Variants in SNTB1 observed in about 807,000 individuals in gnomAD.
SNTB1 encodes the protein beta-1-syntrophin.
SNTB1 carries 36 observed loss-of-function variants against 48.9 expected under a neutral mutation model. That is an observed-to-expected ratio of 0.74 (90% confidence interval 0.56 to 0.97). SNTB1 has a LOEUF of 0.97. Among genes scored for constraint, SNTB1 ranks in the 50% least tolerant of loss-of-function variants. The pLI, the probability that SNTB1 is intolerant of heterozygous loss-of-function variation, is 0.00. For missense variants in SNTB1, 786 were observed against 703.4 expected (o/e 1.12, Z -1.33); for synonymous variants, 299 against 294.6 (o/e 1.01, Z -0.15).
intron 3 of SNTB1, among the ~76,000 whole-genome samples, chr8:120,589,771 C>T (rs1284606138): frequency 1.3e-5 from 2 of 152,102 alleles, no homozygotes; most frequent in Non-Finnish European, 2.9e-5. Context: ...CCTAATGACC[C>T]GCCCTCATGA....
intron 2 of SNTB1, among the ~76,000 whole-genome samples, chr8:120,655,777 C>T (rs536276648): frequency 1.3e-5 from 2 of 152,340 alleles, no homozygotes; most frequent in South Asian, 4.1e-4. Context: ...TCCCAGCCTT[C>T]CTTGTTGCTC....
chr8:120,756,956 G>A (rs1399540121), intron 1 of SNTB1, among the ~76,000 whole-genome samples: 1 of 152,138 alleles, frequency 6.6e-6, no homozygotes, highest in African/African-American at 2.4e-5. Context: ...CTGATCTTTT[G>A]CTCCATGGGC....
intron 3 of SNTB1, among the ~76,000 whole-genome samples, chr8:120,587,514 T>C (rs1294578883): frequency 1.3e-5 from 2 of 152,220 alleles, no homozygotes; most frequent in African/African-American, 2.4e-5. Context: ...CATGGTTCCA[T>C]ACTTTATATA....
rs956754313 is a variant in SNTB1, at chr8:120,782,627, A to T, written c.571+28646T>A. Among the ~76,000 whole-genome samples, 6 of 152,266 alleles carry T rather than the reference A, an allele frequency of 3.9e-5. No homozygotes were observed. The East Asian group carries it at 1.2e-3, about 29-fold the overall frequency. ...CTACACACACACACATATATATGTA[A>T]AATGTTATAGTATAAACGTAACAAA... On this transcript the variant is annotated intron_variant, in intron 1 of 6. Coordinates refer to ENST00000517992, the MANE Select transcript of SNTB1 (RefSeq NM_021021.4).
intron 3 of SNTB1, among the ~76,000 whole-genome samples, chr8:120,578,497 A>T (rs193239331): frequency 2.0e-5 from 3 of 152,342 alleles, no homozygotes; most frequent in Admixed American, 6.5e-5. Context: ...TTGTTAACAC[A>T]TGACTCCTGA....
intron 2 of SNTB1, among the ~76,000 whole-genome samples, chr8:120,645,331 G>A (rs200999794): frequency 0.014 from 2,161 of 149,318 alleles, 59 homozygotes; most frequent in African/African-American, 0.049. Flanking sequence ...ATATTGAATT[G>A]ATTTTTGTAT....
intron 4 of SNTB1, among the ~76,000 whole-genome samples, chr8:120,566,639 A>G (rs780759040): frequency 1.3e-5 from 2 of 152,198 alleles, no homozygotes; most frequent in Non-Finnish European, 2.9e-5. Flanking sequence ...TTCTAAATCA[A>G]TAGTTCTCAA....
At chr8:120,722,959 A>G (rs1183604121) in intron 1 of SNTB1, among the ~76,000 whole-genome samples, 1 of 152,118 alleles carries the variant, frequency 6.6e-6, no homozygotes, top group African/African-American at 2.4e-5. Context: ...GCTTTCTTTC[A>G]GGTTTCAGGT....
intron 1 of SNTB1, among the ~76,000 whole-genome samples, chr8:120,715,384 G>T (rs1022776461): frequency 6.6e-6 from 1 of 152,128 alleles, no homozygotes; most frequent in African/African-American, 2.4e-5. Context: ...CAATGCTCAG[G>T]TTTCTTGGTT....
chr8:120,668,552 G>A (rs977783825), intron 2 of SNTB1, among the ~76,000 whole-genome samples: 1 of 152,130 alleles, frequency 6.6e-6, no homozygotes, highest in African/African-American at 2.4e-5. Flanking sequence ...TTAGTTGAAA[G>A]GTATTTATTG....
At chr8:120,616,810 A>G (rs926442670) in intron 3 of SNTB1, among the ~76,000 whole-genome samples, 1 of 152,218 alleles carries the variant, frequency 6.6e-6, no homozygotes, top group Admixed American at 6.5e-5. Flanking sequence ...ATTCTCAATG[A>G]TCACATCTTT....
chr8:120,602,367 T>C (rs1463550476), intron 3 of SNTB1, among the ~76,000 whole-genome samples: 1 of 152,234 alleles, frequency 6.6e-6, no homozygotes, highest in Non-Finnish European at 1.5e-5. Context: ...TGTGAATGTA[T>C]TTTTTAGATG....
intron 2 of SNTB1, among the ~76,000 whole-genome samples, chr8:120,687,635 T>C (rs1214152239): frequency 6.6e-6 from 1 of 152,260 alleles, no homozygotes; most frequent in Non-Finnish European, 1.5e-5. Flanking sequence ...TTTAATTTCT[T>C]GTGTAGCTTA....
chr8:120,800,706 C>T (rs952963729), intron 1 of SNTB1, among the ~76,000 whole-genome samples: 1 of 151,500 alleles, frequency 6.6e-6, no homozygotes, highest in South Asian at 2.1e-4. Flanking sequence ...TTGTTGTATT[C>T]GAAAGAAAAA....
intron 1 of SNTB1, among the ~76,000 whole-genome samples, chr8:120,766,953 A>G (rs1040211577): frequency 1.3e-5 from 2 of 152,190 alleles, no homozygotes; most frequent in Admixed American, 6.5e-5. Context: ...ATTTCTAATT[A>G]TATGAATGAT....
Position 120,538,530 on chromosome 8 carries a change from C to T in SNTB1, c.*347G>A, listed in dbSNP as rs997647872. 1 of 394,592 alleles carries T rather than the reference C, an allele frequency of 2.5e-6. No individual in the cohort carries two copies. The allele number at this position is 394,592 out of a possible 1,614,324, so 24.4% of individuals were successfully genotyped here. ...CCTTGCGTACCTGGTGAACAAGTTG[C>T]CTAGGAACTGGGATGATTAAGATCT... On this transcript the variant is annotated 3_prime_UTR_variant, in exon 7 of 7. Transcript: ENST00000517992.
chr8:120,694,042 T>C lies in SNTB1; in HGVS notation c.572-134A>G, dbSNP rs559136730. On this transcript the variant is annotated intron_variant, in intron 1 of 6. Transcript: ENST00000517992. ...ACTTCTTAAATTCTCAACGAGATTT[T>C]GAATTTTTGTTCCACTCAAGGTAAT... The C allele has an allele frequency of 1.3e-4, 91 of 709,368 alleles. No individual in the cohort carries two copies. The East Asian group carries it at 2.4e-3, about 19-fold the overall frequency. The allele number at this position is 709,368 out of a possible 1,614,324, so 43.9% of individuals were successfully genotyped here. A position where few individuals can be genotyped will look rare whatever the true frequency, so the allele number is the denominator to read the frequency against.
At chr8:120,688,268 T>C (rs1818066981) in intron 2 of SNTB1, among the ~76,000 whole-genome samples, 1 of 152,190 alleles carries the variant, frequency 6.6e-6, no homozygotes, top group Non-Finnish European at 1.5e-5. Context: ...AGTGACACAC[T>C]TGGTTAATGG....
chr8:120,639,736 A>G (rs1817154049), intron 2 of SNTB1, among the ~76,000 whole-genome samples: 2 of 152,084 alleles, frequency 1.3e-5, no homozygotes, highest in African/African-American at 2.4e-5. Context: ...CCATTGGTCT[A>G]TATCTCTGTT....
Sources: gnomAD v4.1 joint callset for allele counts (sites outside exome capture counted in the v4.1 genomes callset) on GRCh38, gnomAD v4.1.1 for gene constraint, MANE v1.5 for transcripts, NCBI Gene and HGNC (gene_info 2026-07-23, HGNC 2026-07-21) for gene names.